The following CABCOCO1 variants were observed in gnomAD, a reference collection of about 807,000 sequenced individuals.
The protein encoded by CABCOCO1 is ciliary-associated calcium-binding coiled-coil protein 1.
A neutral mutation model predicts 35.7 loss-of-function variants in CABCOCO1; 28 were observed. The ratio of observed to expected loss-of-function variants is 0.78; its 90% CI spans 0.58 to 1.07. The LOEUF (loss-of-function observed/expected upper bound fraction) is 1.07. CABCOCO1 is among the 50% of genes least tolerant of loss of function. The probability of loss-of-function intolerance (pLI) is 0.00; values close to 1 mark genes in which losing one functional copy is unlikely to be tolerated. For synonymous variants in CABCOCO1, 95 were observed against 100.1 expected, an observed-to-expected ratio of 0.95 and a Z score of 0.30; for missense variants, 326 against 309.2, an observed-to-expected ratio of 1.05 and a Z score of -0.41.
intron 7 of CABCOCO1, among the ~76,000 whole-genome samples, chr10:61,763,076 ACC>A (rs1842039149): frequency 1.3e-5 from 2 of 152,048 alleles, no homozygotes; most frequent in Admixed American, 1.3e-4. Context: ...GAACACACCG[ACC>A]TGCTGTAGGA....
At chr10:61,727,521 A>G (rs1841186730) in intron 5 of CABCOCO1, among the ~76,000 whole-genome samples, 1 of 152,196 alleles carries the variant, frequency 6.6e-6, no homozygotes. Context: ...CTCCTGTAAA[A>G]GAAGAAAAAA....
chr10:61,697,680 T>A (rs1271577829), intron 5 of CABCOCO1, among the ~76,000 whole-genome samples: 1 of 152,126 alleles, frequency 6.6e-6, no homozygotes, highest in African/African-American at 2.4e-5. Flanking sequence ...TCTTCACATA[T>A]TTTTGTACAA....
At position 61,687,514 on chromosome 10, in the gene CABCOCO1, G is replaced by T. The variant is rs1357487336; in HGVS notation, c.479+1329G>T. On this transcript the variant is annotated intron_variant, in intron 4 of 7. Transcript: ENST00000648843. ...CTCTAAGCCCAGGAGGTTTCTAATGGGCACAGGGACTGATAGTTGACAAGG... is the reference window on the plus strand; with the variant it reads ...CTCTAAGCCCAGGAGGTTTCTAATGTGCACAGGGACTGATAGTTGACAAGG... 2.0e-5 allele frequency among the ~76,000 whole-genome samples: 3 copies of T among 152,120 alleles called. No individual in the cohort carries two copies. In the East Asian group the frequency reaches 5.8e-4, roughly 29 times the overall value.
At chr10:61,747,502 T>C (rs897077061) in intron 5 of CABCOCO1, among the ~76,000 whole-genome samples, 12 of 152,204 alleles carry the variant, frequency 7.9e-5, no homozygotes, top group African/African-American at 2.7e-4. Flanking sequence ...ACTAGCAATC[T>C]GAAATATGTT....
chr10:61,682,297 T>A (rs555989028), intron 3 of CABCOCO1, among the ~76,000 whole-genome samples: 32 of 152,318 alleles, frequency 2.1e-4, no homozygotes, highest in African/African-American at 7.5e-4. Context: ...AGTACATATG[T>A]AGAACCTAAC....
chr10:61,760,392 A>C (rs1007310321), intron 6 of CABCOCO1, among the ~76,000 whole-genome samples: 1 of 151,752 alleles, frequency 6.6e-6, no homozygotes, highest in African/African-American at 2.4e-5. Flanking sequence ...CCTAATCTCC[A>C]CCTTCACTTT....
intron 2 of CABCOCO1, among the ~76,000 whole-genome samples, chr10:61,680,724 AT>A (rs1554821601): frequency 1.2e-4 from 12 of 103,710 alleles, no homozygotes; most frequent in Admixed American, 2.0e-4. Context: ...TAACATATAT[AT>A]TATATATATA....
chr10:61,709,443 T>A (rs914198440), intron 5 of CABCOCO1, among the ~76,000 whole-genome samples: 8 of 152,078 alleles, frequency 5.3e-5, no homozygotes, highest in Non-Finnish European at 7.4e-5. Context: ...TTCATTAAAT[T>A]ATGGCTACCA....
In CABCOCO1 at chr10:61,719,669, C is replaced by T. The variant is rs540984987; in HGVS notation, c.552+29048C>T. 2.0e-5 allele frequency among the ~76,000 whole-genome samples: 3 copies of T among 152,150 alleles called. No individual in the cohort carries two copies. In the East Asian group the frequency reaches 5.8e-4, roughly 29 times the overall value. On this transcript the variant is annotated intron_variant, in intron 5 of 7. Transcript: ENST00000648843. Reference sequence around the variant, plus strand: ...CGGCGCAGTGGCTCATGCCTGTAATCCCACCACTTTGGGAGGCCGAGAGGT... The same window carrying T: ...CGGCGCAGTGGCTCATGCCTGTAATTCCACCACTTTGGGAGGCCGAGAGGT...
At chr10:61,735,412 T>C (rs189087657) in intron 5 of CABCOCO1, among the ~76,000 whole-genome samples, 2 of 152,198 alleles carry the variant, frequency 1.3e-5, no homozygotes, top group Admixed American at 6.5e-5. Context: ...AAATCTTTAG[T>C]CCTAGTTTCC....
Position 61,667,312 on chromosome 10 carries a change from C to T in CABCOCO1, c.60+4280C>T, listed in dbSNP as rs560350141. ...TCTTTGGATTCTTTATGCTTTTCCA[C>T]GCACTAGTTTGTCCATTACTGTGTC... On this transcript the variant is annotated intron_variant, in intron 1 of 7. Coordinates refer to ENST00000648843, the MANE Select transcript of CABCOCO1 (RefSeq NM_001366906.2). Among the ~76,000 whole-genome samples, 115 of 150,590 alleles carry T rather than the reference C, an allele frequency of 7.6e-4. 1 individual carries two copies. The highest frequency in any genetic ancestry group is 2.4e-3 in the African/African-American group (97 of 41,226).
intron 5 of CABCOCO1, among the ~76,000 whole-genome samples, chr10:61,708,678 C>A (rs1199147946): frequency 2.6e-5 from 4 of 152,044 alleles, no homozygotes; most frequent in African/African-American, 9.7e-5. Flanking sequence ...GACCTAATTG[C>A]CTCTCAAAGG....
At chr10:61,750,647 TCAAA>T (rs954047379) in intron 5 of CABCOCO1, among the ~76,000 whole-genome samples, 10 of 152,216 alleles carry the variant, frequency 6.6e-5, no homozygotes, top group Admixed American at 5.2e-4. Context: ...ATTCTGCTAA[TCAAA>T]CAAATACTCT....
intron 5 of CABCOCO1, among the ~76,000 whole-genome samples, chr10:61,737,922 G>A (rs1841459316): frequency 6.6e-6 from 1 of 151,880 alleles, no homozygotes; most frequent in South Asian, 2.1e-4. Flanking sequence ...GTTTACCTAT[G>A]TAACAAACCT....
chr10:61,713,176 T>C (rs924457600), intron 5 of CABCOCO1, among the ~76,000 whole-genome samples: 1 of 152,200 alleles, frequency 6.6e-6, no homozygotes, highest in Non-Finnish European at 1.5e-5. Flanking sequence ...TCCTCTTTTA[T>C]TTTGTTGAGC....
At position 61,675,717 on chromosome 10, in the gene CABCOCO1, CAA is replaced by C. The variant is rs1839493327; in HGVS notation, c.164+2985_164+2986del. On this transcript the variant is annotated intron_variant, in intron 2 of 7. Coordinates refer to ENST00000648843, the MANE Select transcript of CABCOCO1 (RefSeq NM_001366906.2). ...ATAATTAAAGAGGGCATCAATTTCA[CAA>C]AACAAGAGACCAAAAAAAAAACATG... 2.0e-5 allele frequency among the ~76,000 whole-genome samples: 3 copies of C among 150,300 alleles called. No homozygotes were observed. The South Asian group carries it at 6.3e-4, about 32-fold the overall frequency.
intron 5 of CABCOCO1, among the ~76,000 whole-genome samples, chr10:61,701,109 TC>T (rs1245001148): frequency 6.6e-6 from 1 of 152,076 alleles, no homozygotes; most frequent in Non-Finnish European, 1.5e-5. Flanking sequence ...ACTTTCTCTT[TC>T]CTTTATGCTT....
At chr10:61,680,960 C>T (rs1839772953) in intron 2 of CABCOCO1, among the ~76,000 whole-genome samples, 183 bp from the exon 3 acceptor site, 1 of 151,048 alleles carries the variant, frequency 6.6e-6, no homozygotes, top group Admixed American at 6.6e-5. Flanking sequence ...GTTTGCTCCC[C>T]CATCCTCGTT....
chr10:61,675,732 A>G (rs1398595827), intron 2 of CABCOCO1, among the ~76,000 whole-genome samples: 1 of 151,082 alleles, frequency 6.6e-6, no homozygotes, highest in Non-Finnish European at 1.5e-5. Context: ...CAAGAGACCA[A>G]AAAAAAAACA....
Sources: allele counts gnomAD v4.1 joint callset (sites outside exome capture counted in the v4.1 genomes callset), GRCh38; gene constraint gnomAD v4.1.1; transcripts MANE v1.5; gene names NCBI Gene and HGNC (gene_info 2026-07-23, HGNC 2026-07-21).